Variants in TMEM143 observed in about 807,000 individuals in gnomAD.
TMEM143 encodes the protein transmembrane protein 143.
TMEM143 carries 45 observed loss-of-function variants against 40.3 expected under a neutral mutation model. That is an observed-to-expected ratio of 1.12 (90% CI 0.88 to 1.43). TMEM143 has a LOEUF of 1.43. Among genes scored for constraint, TMEM143 ranks in the 40% most tolerant of loss-of-function variants. TMEM143 has a pLI of 0.00. For synonymous variants in TMEM143, 299 were observed against 282.7 expected, an observed-to-expected ratio of 1.06 and a Z score of -0.58; for missense variants, 620 against 613.4, an observed-to-expected ratio of 1.01 and a Z score of -0.11.
chr19:48,345,045 T>C (rs1399387434), intron 4 of TMEM143, 115 bp downstream of exon 4: 3 of 1,140,290 alleles, frequency 2.6e-6, no homozygotes, highest in African/African-American at 1.6e-5. Flanking sequence ...AAGTGCGCCA[T>C]ATGGGCCACA....
intron 2 of TMEM143, among the ~76,000 whole-genome samples, chr19:48,361,692 G>A (rs1970044283): frequency 6.6e-6 from 1 of 151,928 alleles, no homozygotes; most frequent in South Asian, 2.1e-4. Flanking sequence ...ACCTCGCCCG[G>A]CTAATTTTTT....
In TMEM143 at chr19:48,333,966, G is replaced by C. The variant is rs1969279050; in HGVS notation, c.1165+42C>G. ...ATCTCGCTGGGGCGGGGCCTCGCGG[G>C]GGTGTGGCCCCTGGGGGCAGGGTCC... On this transcript the variant is annotated intron_variant, in intron 7 of 7. Coordinates refer to ENST00000293261, the MANE Select transcript of TMEM143 (RefSeq NM_018273.4). The surrounding 1 kb of genome is among the most constrained non-coding windows in gnomAD (Gnocchi z 4.1). The C allele has an allele frequency of 6.8e-7, 1 of 1,475,732 alleles. No homozygotes were observed. Among genetic ancestry groups the C allele is most frequent in the Non-Finnish European group, 9.0e-7 (1 of 1,113,600 alleles). The allele number at this position is 1,475,732 out of a possible 1,614,324, so 91.4% of individuals were successfully genotyped here.
At chr19:48,349,997 ATTTTTTTTTTT>A (rs71181679) in intron 3 of TMEM143, among the ~76,000 whole-genome samples, 1 of 109,018 alleles carries the variant, frequency 9.2e-6, no homozygotes, top group African/African-American at 3.6e-5. Flanking sequence ...TCTACATTTA[ATTTTTTTTTTT>A]TTTTTTTTTT....
rs1252063995 is a variant in TMEM143, at chr19:48,333,994, G to C, written c.1165+14C>G. On this transcript the variant is annotated intron_variant, in intron 7 of 7. Transcript: ENST00000293261. The surrounding 1 kb of genome is among the most constrained non-coding windows in gnomAD (Gnocchi z 4.1). The stretch of plus-strand genomic sequence containing the variant: ...TGTGGCCCCTGGGGGCAGGGTCCCA[G>C]GGCCACGTCCTACCTTCGGGCGAGC... 6 of 1,527,538 alleles carry C rather than the reference G, an allele frequency of 3.9e-6. No individual in the cohort carries two copies. Among genetic ancestry groups the C allele is most frequent in the African/African-American group, 1.4e-5 (1 of 72,694 alleles). 94.6% of individuals were successfully genotyped at this position (1,527,538 alleles called of 1,614,324 possible). A position where few individuals can be genotyped will look rare whatever the true frequency, so the allele number is the denominator to read the frequency against.
At chr19:48,359,096 G>T (rs1038986611) in intron 3 of TMEM143, among the ~76,000 whole-genome samples, 1 of 152,166 alleles carries the variant, frequency 6.6e-6, no homozygotes, top group African/African-American at 2.4e-5. Flanking sequence ...TTGAACTGGG[G>T]AGGCGGAGGT....
chr19:48,361,273 GC>G (rs1970034496), intron 2 of TMEM143, among the ~76,000 whole-genome samples: 1 of 150,722 alleles, frequency 6.6e-6, no homozygotes, highest in Non-Finnish European at 1.5e-5. Context: ...AGGCTGGAGT[GC>G]AGCGGCCATG....
rs568747808 is a variant in TMEM143, at chr19:48,350,034, T to C, written c.370-4680A>G. 4.9e-3 allele frequency among the ~76,000 whole-genome samples: 615 copies of C among 126,668 alleles called. 4 individuals carry two copies. The highest frequency in any genetic ancestry group is 0.017 in the African/African-American group (588 of 34,158). The allele number at this position is 126,668 out of a possible 152,430, so 83.1% of individuals were successfully genotyped here. A position where few individuals can be genotyped will look rare whatever the true frequency, so the allele number is the denominator to read the frequency against. ...TTTTTTTTTTGAGACAGAGTCTCACTCTGTCACCCAGGCTGGAGTGCAATG... is the reference window on the plus strand; with the variant it reads ...TTTTTTTTTTGAGACAGAGTCTCACCCTGTCACCCAGGCTGGAGTGCAATG... On this transcript the variant is annotated intron_variant, in intron 3 of 7. Transcript: ENST00000293261.
At position 48,333,033 on chromosome 19, in the gene TMEM143, A is replaced by C; in HGVS notation, c.*186T>G. ...TTGGCTGTTCATCGAAGGGGCGGGGAAGACTTAACAACTGCTAGCTGCTTT... is the reference window on the plus strand; with the variant it reads ...TTGGCTGTTCATCGAAGGGGCGGGGCAGACTTAACAACTGCTAGCTGCTTT... On this transcript the variant is annotated 3_prime_UTR_variant, in exon 8 of 8. Transcript: ENST00000293261. This position sits in a 1 kb window ranked among gnomAD's most constrained non-coding sequence, Gnocchi z 4.1. The C allele has an allele frequency of 2.3e-6, 1 of 427,248 alleles. No individual in the cohort carries two copies. The highest frequency in any genetic ancestry group is 3.5e-5 in the East Asian group (1 of 28,208). The allele number at this position is 427,248 out of a possible 1,614,324, so 26.5% of individuals were successfully genotyped here.
Position 48,363,889 on chromosome 19 carries a change from C to T in TMEM143, c.23+9G>A. On this transcript the variant is annotated intron_variant, in intron 1 of 7. Transcript: ENST00000293261. Reference sequence around the variant, plus strand: ...CCCTGGCCATGCAATCCCCCGATTTCTCCCTCACCTTAGCCAAAGCTCGAC... The same window carrying T: ...CCCTGGCCATGCAATCCCCCGATTTTTCCCTCACCTTAGCCAAAGCTCGAC... The T allele has an allele frequency of 6.2e-7, 1 of 1,613,980 alleles. No individual in the cohort carries two copies. Among genetic ancestry groups the T allele is most frequent in the Non-Finnish European group, 8.5e-7 (1 of 1,179,882 alleles).
At chr19:48,351,008 T>C (rs1969758238) in intron 3 of TMEM143, among the ~76,000 whole-genome samples, 1 of 151,966 alleles carries the variant, frequency 6.6e-6, no homozygotes, top group Admixed American at 6.6e-5. Context: ...AAGCATTCCC[T>C]TGTGGCTGTC....
intron 3 of TMEM143, among the ~76,000 whole-genome samples, chr19:48,347,991 A>C (rs1600911129): frequency 7.0e-6 from 1 of 142,702 alleles, no homozygotes. Context: ...ACTCCACTCC[A>C]CTCCAGCCTG....
rs754839865 is a variant in TMEM143 at position 48,363,915 on chromosome 19, T to C, written c.6A>G (p.Thr2=). M[T]VELWLRLRGK... ...TCCCTCACCTTAGCCAAAGCTCGACTGTCATTGAGCCTCCTGCGCATGTGC... is the reference window on the plus strand; with the variant it reads ...TCCCTCACCTTAGCCAAAGCTCGACCGTCATTGAGCCTCCTGCGCATGTGC... The change falls in exon 1 of 8, where the codon ACA becomes ACG. Residue 2 remains threonine, a synonymous_variant. Coordinates refer to ENST00000293261, the MANE Select transcript of TMEM143 (RefSeq NM_018273.4). The C allele has an allele frequency of 1.5e-5, 25 of 1,613,628 alleles. No homozygotes were observed. Among genetic ancestry groups the C allele is most frequent in the Non-Finnish European group, 1.1e-5 (13 of 1,179,772 alleles).
chr19:48,355,756 C>T (rs936367719), intron 3 of TMEM143, among the ~76,000 whole-genome samples: 7 of 152,342 alleles, frequency 4.6e-5, no homozygotes, highest in East Asian at 1.9e-4. Context: ...GGGAGGGAAC[C>T]TCTAAGCCCT....
chr19:48,335,534 G>T (rs561978101), intron 6 of TMEM143, among the ~76,000 whole-genome samples: 80 of 152,294 alleles, frequency 5.3e-4, no homozygotes, highest in African/African-American at 1.8e-3. Flanking sequence ...AGACCAGCCT[G>T]ACCAACATGG....
rs147401463 is a variant in TMEM143, at chr19:48,342,499, G to A, written c.975+31C>T. 1.1e-5 allele frequency: 18 copies of A among 1,574,098 alleles called. No individual in the cohort carries two copies. In the African/African-American group the frequency reaches 2.3e-4, roughly 20 times the overall value. On this transcript the variant is annotated intron_variant, in intron 6 of 7. Coordinates refer to ENST00000293261, the MANE Select transcript of TMEM143 (RefSeq NM_018273.4). ...CCTGACCTGGTCCCCACAGCGCAGG[G>A]CCGCAGGAGGCGTGGCAGGCGCATG...
rs201079908 is a variant in TMEM143, at chr19:48,334,059, C to T, written c.1114G>A (p.Ala372Thr). The T allele has an allele frequency of 2.7e-4, 434 of 1,579,192 alleles. 1 individual carries two copies. Among genetic ancestry groups the T allele is most frequent in the Middle Eastern group, 1.7e-4 (1 of 5,760 alleles). Residue 372 changes from alanine (A) to threonine (T), a missense_variant, in exon 7 of 8, where the codon GCT becomes ACT. Coordinates refer to ENST00000293261, the MANE Select transcript of TMEM143 (RefSeq NM_018273.4). Reference sequence around the variant, plus strand: ...GGCCGCCGGGCCAGGAAGCTGTGAGCCAGCAGCGCCTCCTTGGTGTGCTCG... The same window carrying T: ...GGCCGCCGGGCCAGGAAGCTGTGAGTCAGCAGCGCCTCCTTGGTGTGCTCG... The part of the protein sequence containing the change: ...QDEHTKEALL[A>T]HSFLARRPGG...
intron 6 of TMEM143, among the ~76,000 whole-genome samples, chr19:48,337,416 C>T (rs1222890917): frequency 2.0e-5 from 3 of 151,420 alleles, no homozygotes; most frequent in Non-Finnish European, 2.9e-5. Context: ...GGCATGGTGG[C>T]GGCGCCTGTA....
chr19:48,363,869 G>A, intron 1 of TMEM143, 29 bp downstream of exon 1: 8 of 1,613,872 alleles, frequency 5.0e-6, no homozygotes, highest in African/African-American at 2.7e-5. Context: ...GCCCTCCCTG[G>A]CCATGCAATC....
In TMEM143 at chr19:48,333,226, A is replaced by G; in HGVS notation, c.1373T>C (p.Ile458Thr). 1.4e-6 allele frequency: 2 copies of G among 1,477,810 alleles called. No individual in the cohort carries two copies. Among genetic ancestry groups the G allele is most frequent in the Non-Finnish European group, 1.8e-6 (2 of 1,099,506 alleles). The allele number at this position is 1,477,810 out of a possible 1,614,324, so 91.5% of individuals were successfully genotyped here. A position where few individuals can be genotyped will look rare whatever the true frequency, so the allele number is the denominator to read the frequency against. The change falls in exon 8 of 8, where the codon ATC becomes ACC. Residue 458 changes from isoleucine (I) to threonine (T), a missense_variant. By Grantham distance (89) the Ile-to-Thr change is moderately conservative. Transcript: ENST00000293261. The surrounding 1 kb of genome is among the most constrained non-coding windows in gnomAD (Gnocchi z 4.1). ...EPPQATPSSN[I>T]S is the part of the protein sequence containing the mutation. Reference sequence around the variant, plus strand: ...CAGGGAGGTAGGTTCTACTCAGGAGATGTTACTGCTGGGCGTGGCTTGCGG... The same window carrying G: ...CAGGGAGGTAGGTTCTACTCAGGAGGTGTTACTGCTGGGCGTGGCTTGCGG...
Sources: allele counts gnomAD v4.1 joint callset (sites outside exome capture counted in the v4.1 genomes callset), GRCh38; gene constraint gnomAD v4.1.1; non-coding constraint Gnocchi (gnomAD v3.1); transcripts MANE v1.5; gene names NCBI Gene and HGNC (gene_info 2026-07-23, HGNC 2026-07-21).